The following NR3C2 variants were observed in gnomAD, a reference collection of about 807,000 sequenced individuals.
NR3C2 encodes the protein mineralocorticoid receptor.
A neutral mutation model predicts 86.4 loss-of-function variants in NR3C2; 15 were observed. The observed-to-expected ratio is 0.17, with a 90% CI of 0.12 to 0.27. NR3C2 has a LOEUF of 0.27. NR3C2 is among the 10% of genes least tolerant of loss of function. The pLI, the probability that NR3C2 is intolerant of heterozygous loss-of-function variation, is 1.00. For synonymous variants in NR3C2, 458 were observed against 450.5 expected (o/e 1.02, Z -0.21); for missense variants, 960 against 1,195.6 (o/e 0.80, Z 2.91).
chr4:148,430,927 T>C (rs1440613214), intron 2 of NR3C2, among the ~76,000 whole-genome samples: 2 of 152,200 alleles, frequency 1.3e-5, no homozygotes, highest in Admixed American at 6.5e-5. Flanking sequence ...AATCAGCACA[T>C]ATTAAGATAA....
intron 3 of NR3C2, among the ~76,000 whole-genome samples, chr4:148,227,718 T>C (rs1401616048): frequency 2.6e-5 from 4 of 152,350 alleles, no homozygotes; most frequent in Admixed American, 2.0e-4. Context: ...ATGCATGCTA[T>C]GGATTATAAT....
In NR3C2 at chr4:148,438,066, G is replaced by A. The variant is rs1466790345; in HGVS notation, c.-2-1204C>T. Among the ~76,000 whole-genome samples, 3 of 152,160 alleles carry A rather than the reference G, an allele frequency of 2.0e-5. No individual in the cohort carries two copies. The East Asian group carries it at 5.8e-4, about 29-fold the overall frequency. On this transcript the variant is annotated intron_variant, in intron 1 of 8. Coordinates refer to ENST00000358102, the MANE Select transcript of NR3C2 (RefSeq NM_000901.5). ...AGTATTATCCAAATAATACAAGTGT[G>A]AAAACTGAGGCACCAGACACACAAC...
chr4:148,420,475 C>T (rs1187610890), intron 2 of NR3C2, among the ~76,000 whole-genome samples: 1 of 152,204 alleles, frequency 6.6e-6, no homozygotes, highest in Non-Finnish European at 1.5e-5. Context: ...TAATTTCTAA[C>T]TGTTCCCTCC....
intron 2 of NR3C2, among the ~76,000 whole-genome samples, chr4:148,432,056 A>G (rs546627372): frequency 5.3e-5 from 8 of 152,336 alleles, no homozygotes; most frequent in Admixed American, 2.0e-4. Context: ...ATGTTTTAAA[A>G]TCATTTAAAA....
intron 2 of NR3C2, among the ~76,000 whole-genome samples, chr4:148,415,736 G>T (rs1748961293): frequency 6.6e-6 from 1 of 152,174 alleles, no homozygotes; most frequent in Non-Finnish European, 1.5e-5. Flanking sequence ...GTGCCATCTG[G>T]AGGCAAAGAT....
chr4:148,442,908 G>C, upstream of NR3C2: 2 of 985,362 alleles, frequency 2.0e-6, no homozygotes, highest in Non-Finnish European at 2.4e-6. Context: ...GAAGAAGTCG[G>C]TTTTTCCGCG....
intron 6 of NR3C2, among the ~76,000 whole-genome samples, chr4:148,149,356 T>G (rs948202150): frequency 2.0e-5 from 3 of 152,220 alleles, no homozygotes; most frequent in Admixed American, 1.3e-4. Flanking sequence ...TTTCTTTTTT[T>G]TTGTTTCTTA....
intron 2 of NR3C2, among the ~76,000 whole-genome samples, chr4:148,358,035 T>C (rs1254675932): frequency 3.9e-5 from 6 of 152,286 alleles, no homozygotes; most frequent in Non-Finnish European, 7.4e-5. Context: ...TAAAATGCCA[T>C]ATCTCACCAT....
intron 8 of NR3C2, among the ~76,000 whole-genome samples, chr4:148,112,637 T>C (rs1194296408): frequency 6.6e-6 from 1 of 152,244 alleles, no homozygotes; most frequent in Non-Finnish European, 1.5e-5. Flanking sequence ...AGCAAAACTA[T>C]TTATCACTGA....
intron 2 of NR3C2, among the ~76,000 whole-genome samples, chr4:148,262,753 C>G (rs73855938): frequency 0.044 from 6,678 of 152,212 alleles, 470 homozygotes; most frequent in African/African-American, 0.15. Context: ...ACATAGACAC[C>G]TGCATGAGGA....
At chr4:148,218,903 T>C (rs185954636) in intron 3 of NR3C2, among the ~76,000 whole-genome samples, 2 of 152,376 alleles carry the variant, frequency 1.3e-5, no homozygotes, top group Non-Finnish European at 2.9e-5. Context: ...CATCTGATTG[T>C]TCCCAAGTTT....
chr4:148,184,914 G>A (rs1199809343), intron 4 of NR3C2, among the ~76,000 whole-genome samples: 1 of 152,180 alleles, frequency 6.6e-6, no homozygotes, highest in East Asian at 1.9e-4. Flanking sequence ...TTATCTCACT[G>A]CCTGGGCAAG....
intron 2 of NR3C2, among the ~76,000 whole-genome samples, chr4:148,316,604 A>C (rs1022476057): frequency 6.6e-6 from 1 of 152,192 alleles, no homozygotes; most frequent in Non-Finnish European, 1.5e-5. Context: ...AATTTCTTTT[A>C]AGGAGGAAAT....
intron 8 of NR3C2, among the ~76,000 whole-genome samples, chr4:148,109,617 A>G (rs1731960577): frequency 6.6e-6 from 1 of 152,160 alleles, no homozygotes; most frequent in Admixed American, 6.5e-5. Context: ...TTCTACCAAC[A>G]CATATGCGTA....
Position 148,326,800 on chromosome 4 carries a change from T to C in NR3C2, c.1758-66683A>G, listed in dbSNP as rs1743991616. The stretch of plus-strand genomic sequence containing the variant: ...ATGTCTTCCTTTCATGAAGGAAGCT[T>C]GTGCCACAGGGCTTAGGTATTCCAT... On this transcript the variant is annotated intron_variant, in intron 2 of 8. Coordinates refer to ENST00000358102, the MANE Select transcript of NR3C2 (RefSeq NM_000901.5). 2.0e-5 allele frequency among the ~76,000 whole-genome samples: 3 copies of C among 152,216 alleles called. No homozygotes were observed. In the South Asian group the frequency reaches 6.2e-4, roughly 31 times the overall value.
At chr4:148,084,669 G>T (rs952558736) in intron 8 of NR3C2, among the ~76,000 whole-genome samples, 19 of 151,746 alleles carry the variant, frequency 1.3e-4, no homozygotes, top group Middle Eastern at 3.4e-3. Context: ...CATAACAGTG[G>T]CCTTAAATGT....
chr4:148,085,728 AATAG>A lies in NR3C2; in HGVS notation c.2800-4233_2800-4230del, dbSNP rs771893125. On this transcript the variant is annotated intron_variant, in intron 8 of 8. Coordinates refer to ENST00000358102, the MANE Select transcript of NR3C2 (RefSeq NM_000901.5). ...TGGTTTTTTTTGAAAAGATCAACAA[AATAG>A]ATAGACTGCCAGACTAATGAAGAAA... is the stretch of plus-strand genomic sequence containing the variant. 1.9e-4 allele frequency among the ~76,000 whole-genome samples: 29 copies of A among 152,336 alleles called. No individual in the cohort carries two copies. In the East Asian group the frequency reaches 3.1e-3, roughly 16 times the overall value.
At chr4:148,109,538 T>C (rs1281874266) in intron 8 of NR3C2, among the ~76,000 whole-genome samples, 1 of 152,244 alleles carries the variant, frequency 6.6e-6, no homozygotes, top group Non-Finnish European at 1.5e-5. Flanking sequence ...GGGAACTGGT[T>C]TGAATACCTG....
At chr4:148,414,060 C>A (rs1579270119) in intron 2 of NR3C2, among the ~76,000 whole-genome samples, 2 of 152,060 alleles carry the variant, frequency 1.3e-5, no homozygotes, top group Non-Finnish European at 2.9e-5. Flanking sequence ...TCTAAATGTC[C>A]ATTAATAGGG....
Sources: allele counts gnomAD v4.1 joint callset (sites outside exome capture counted in the v4.1 genomes callset), GRCh38; gene constraint gnomAD v4.1.1; transcripts MANE v1.5; gene names NCBI Gene and HGNC (gene_info 2026-07-23, HGNC 2026-07-21).